RAB11FIP4: variants seen among roughly 807,000 people sequenced by gnomAD.
RAB11FIP4 encodes RAB11 family interacting protein 4, also known as rab11 family-interacting protein 4.
RAB11FIP4 carries 23 observed loss-of-function variants against 74.3 expected under a neutral mutation model. The ratio of observed to expected loss-of-function variants is 0.31; its 90% CI spans 0.22 to 0.44. The LOEUF (loss-of-function observed/expected upper bound fraction) is 0.44. Among genes scored for constraint, RAB11FIP4 ranks in the 20% least tolerant of loss-of-function variants. The pLI, the probability that RAB11FIP4 is intolerant of heterozygous loss-of-function variation, is 1.00. For synonymous variants in RAB11FIP4, 360 were observed against 359.9 expected (o/e 1.00, Z 0.00); for missense variants, 630 against 863.9 (o/e 0.73, Z 3.39).
chr17:31,514,511 C>A (rs1272405254), intron 3 of RAB11FIP4, among the ~76,000 whole-genome samples: 1 of 152,200 alleles, frequency 6.6e-6, no homozygotes, highest in African/African-American at 2.4e-5. Flanking sequence ...TGGCCCCAGG[C>A]AAGACCCTTC....
At chr17:31,517,918 GC>G in intron 4 of RAB11FIP4, 41 bp downstream of exon 4, 1 of 1,478,440 alleles carries the variant, frequency 6.8e-7, no homozygotes. Context: ...TGCCCTCTCA[GC>G]CCAGAAATGT....
At chr17:31,415,569 T>G (rs573559357) in intron 1 of RAB11FIP4, among the ~76,000 whole-genome samples, 1 of 152,068 alleles carries the variant, frequency 6.6e-6, no homozygotes, top group South Asian at 2.1e-4. Flanking sequence ...CAAACATGCC[T>G]GAAAGCATTA....
chr17:31,423,076 C>T (rs906135768), intron 1 of RAB11FIP4, among the ~76,000 whole-genome samples: 1 of 152,090 alleles, frequency 6.6e-6, no homozygotes, highest in Non-Finnish European at 1.5e-5. Flanking sequence ...TCTGCCACCA[C>T]GACCAGCTAA....
At chr17:31,530,617 T>C in intron 14 of RAB11FIP4, 148 bp downstream of exon 14, 1 of 1,087,960 alleles carries the variant, frequency 9.2e-7, no homozygotes, top group Admixed American at 2.5e-5. Context: ...GGCAAGGCTG[T>C]GAGCAGGGGA....
rs2074150 is a variant in RAB11FIP4 at position 31,528,914 on chromosome 17, C to A, written c.1653+136C>A. ...GTCTGCTTCTCAGCAACCTGTTTGC[C>A]AGGGCTGACTGCCCCATTTCACAGC... is the stretch of plus-strand genomic sequence containing the variant. On this transcript the variant is annotated intron_variant, in intron 13 of 14. Coordinates refer to ENST00000621161, the MANE Select transcript of RAB11FIP4 (RefSeq NM_032932.6). The A allele has an allele frequency of 7.0e-6, 7 of 995,004 alleles. No individual in the cohort carries two copies. The African/African-American group carries it at 1.1e-4, about 16-fold the overall frequency. The allele number at this position is 995,004 out of a possible 1,614,324, so 61.6% of individuals were successfully genotyped here.
At chr17:31,489,111 T>C (rs977608774) in intron 3 of RAB11FIP4, among the ~76,000 whole-genome samples, 37 of 152,272 alleles carry the variant, frequency 2.4e-4, no homozygotes, top group Admixed American at 1.8e-3. Context: ...CTCAAAGCAA[T>C]GTGAGAGGTC....
intron 4 of RAB11FIP4, among the ~76,000 whole-genome samples, chr17:31,520,329 T>C (rs2072638898): frequency 6.6e-6 from 1 of 152,150 alleles, no homozygotes; most frequent in South Asian, 2.1e-4. Flanking sequence ...TGCCAAGGGA[T>C]GACCATACTC....
chr17:31,523,178 T>C (rs767904502), intron 7 of RAB11FIP4: 7 of 363,164 alleles, frequency 1.9e-5, no homozygotes, highest in Non-Finnish European at 3.7e-5. Flanking sequence ...GCTTCCCCAC[T>C]GGAAGAGGAG....
At chr17:31,503,724 T>A (rs1450397969) in intron 3 of RAB11FIP4, among the ~76,000 whole-genome samples, 3 of 149,882 alleles carry the variant, frequency 2.0e-5, no homozygotes, top group Non-Finnish European at 4.4e-5. Flanking sequence ...CGTCGTTCTG[T>A]TCTCATTTCA....
intron 3 of RAB11FIP4, chr17:31,488,310 C>T (rs1250766704): frequency 8.5e-7 from 1 of 1,173,622 alleles, no homozygotes; most frequent in Non-Finnish European, 1.1e-6. Flanking sequence ...CGCAGGGCTC[C>T]GGCGGCGCGC....
rs1028195716 is a variant in RAB11FIP4 at position 31,534,204 on chromosome 17, C to T, written c.*2472C>T. On this transcript the variant is annotated 3_prime_UTR_variant, in exon 15 of 15. Transcript: ENST00000621161. ...GGCTGCGAGGTAGTAGACAGGATGC[C>T]CAGTTAAGTTTGAATTTCAGATAGA... 1.3e-5 allele frequency: 2 copies of T among 151,994 alleles called. No individual in the cohort carries two copies. Among genetic ancestry groups the T allele is most frequent in the African/African-American group, 4.8e-5 (2 of 41,358 alleles). 9.4% of individuals were successfully genotyped at this position (151,994 alleles called of 1,614,324 possible).
At chr17:31,434,729 A>T (rs2071342107) in intron 3 of RAB11FIP4, among the ~76,000 whole-genome samples, 1 of 152,238 alleles carries the variant, frequency 6.6e-6, no homozygotes. Flanking sequence ...TACGATGATC[A>T]GTGTATTACA....
rs560343536 is a variant in RAB11FIP4, at chr17:31,513,418, G to A, written c.337-4233G>A. On this transcript the variant is annotated intron_variant, in intron 3 of 14. Transcript: ENST00000621161. ...GGCTCAAGGAGAGAGAAGAGGCTGC[G>A]TTCTGGCACCTTCCAGCATCTCCCC... Among the ~76,000 whole-genome samples the A allele has an allele frequency of 8.3e-3, 1,267 of 152,332 alleles. 7 individuals carry two copies. The highest frequency in any genetic ancestry group is 0.014 in the Non-Finnish European group (953 of 68,028).
rs747844559 is a variant in RAB11FIP4 at position 31,453,355 on chromosome 17, C to CAAA, written c.336+19256_336+19258dup. Among the ~76,000 whole-genome samples, 194 of 71,744 alleles carry CAAA rather than the reference C, an allele frequency of 2.7e-3. 3 individuals are homozygous for CAAA. Among genetic ancestry groups the CAAA allele is most frequent in the African/African-American group, 8.1e-3 (137 of 16,946 alleles). 47.1% of individuals were successfully genotyped at this position (71,744 alleles called of 152,430 possible). A position where few individuals can be genotyped will look rare whatever the true frequency, so the allele number is the denominator to read the frequency against. On this transcript the variant is annotated intron_variant, in intron 3 of 14. Transcript: ENST00000621161. ...TGTACCATAGAGAGAGACCCTACCT[C>CAAA]AAAAAAAAAAAAAAAAAAAAAAAAA...
At chr17:31,433,944 C>T in intron 2 of RAB11FIP4, 90 bp from the exon 3 acceptor site, 1 of 1,304,956 alleles carries the variant, frequency 7.7e-7, no homozygotes, top group Non-Finnish European at 1.1e-6. Flanking sequence ...TCAGCCCTTC[C>T]CACCCTATGC....
intron 1 of RAB11FIP4, among the ~76,000 whole-genome samples, chr17:31,410,225 A>G (rs559187362): frequency 3.3e-5 from 5 of 152,118 alleles, no homozygotes; most frequent in Admixed American, 6.5e-5. Flanking sequence ...TGCGCTGGTT[A>G]TAGATTATTT....
At chr17:31,429,528 G>A (rs1276194226) in intron 1 of RAB11FIP4, among the ~76,000 whole-genome samples, 6 of 152,074 alleles carry the variant, frequency 3.9e-5, no homozygotes, top group African/African-American at 7.2e-5. Flanking sequence ...GAAATCCTCC[G>A]TAAAAATTGG....
At chr17:31,420,618 C>CAA (rs1159147335) in intron 1 of RAB11FIP4, among the ~76,000 whole-genome samples, 1 of 146,264 alleles carries the variant, frequency 6.8e-6, no homozygotes, top group African/African-American at 2.5e-5. Flanking sequence ...TTAATCTTTT[C>CAA]AAAAAAAAAA....
At chr17:31,405,933 C>A (rs2071037623) in intron 1 of RAB11FIP4, among the ~76,000 whole-genome samples, 1 of 152,106 alleles carries the variant, frequency 6.6e-6, no homozygotes, top group African/African-American at 2.4e-5. Flanking sequence ...CTCTCCCACC[C>A]CTGCCTCATC....
Sources: gnomAD v4.1 joint callset for allele counts (sites outside exome capture counted in the v4.1 genomes callset) on GRCh38, gnomAD v4.1.1 for gene constraint, MANE v1.5 for transcripts, NCBI Gene and HGNC (gene_info 2026-07-23, HGNC 2026-07-21) for gene names.